The following PACRG variants were observed in gnomAD, a reference collection of about 807,000 sequenced individuals.
PACRG encodes parkin coregulated, also known as parkin coregulated gene protein.
PACRG carries 29 observed loss-of-function variants against 29.7 expected under a neutral mutation model. The observed-to-expected ratio is 0.98, with a 90% confidence interval of 0.73 to 1.33. PACRG has a LOEUF of 1.33. Among genes scored for constraint, PACRG ranks in the 40% most tolerant of loss-of-function variants. The probability of loss-of-function intolerance (pLI) is 0.00; values close to 1 mark genes in which losing one functional copy is unlikely to be tolerated. For missense variants in PACRG, 279 were observed against 316.2 expected, an observed-to-expected ratio of 0.88 and a Z score of 0.89; for synonymous variants, 116 against 118.7, an observed-to-expected ratio of 0.98 and a Z score of 0.15.
intron 4 of PACRG, among the ~76,000 whole-genome samples, chr6:163,103,727 G>A (rs1489773091): frequency 6.6e-6 from 1 of 152,226 alleles, no homozygotes; most frequent in Non-Finnish European, 1.5e-5. Flanking sequence ...ATGCCTGGAT[G>A]ACCATGACTG....
chr6:162,787,582 G>GTATATATATA (rs869254835), intron 1 of PACRG, among the ~76,000 whole-genome samples: 76 of 62,330 alleles, frequency 1.2e-3, no homozygotes, highest in East Asian at 6.9e-3. Context: ...GTGTGTGTGT[G>GTATATATATA]TATATATATA....
At chr6:162,936,759 A>G (rs1514332) in intron 2 of PACRG, among the ~76,000 whole-genome samples, 2,324 of 152,234 alleles carry the variant, frequency 0.015, 67 homozygotes, top group African/African-American at 0.054. Flanking sequence ...ATAAAAAGCA[A>G]ATAATTCATT....
In PACRG at chr6:162,728,010, T is replaced by G. The variant is rs1385577738; in HGVS notation, c.-226T>G. ...GGGAGGCTTACCTTTGGAAGCTTGT[T>G]GCAGCTCTAGCCAAGGTCCTGCCCT... On this transcript the variant is annotated 5_prime_UTR_variant, in exon 1 of 5. Transcript: ENST00000366888. 3.1e-6 allele frequency: 2 copies of G among 643,534 alleles called. No individual in the cohort carries two copies. Among genetic ancestry groups the G allele is most frequent in the East Asian group, 5.2e-5 (2 of 38,238 alleles). The allele number at this position is 643,534 out of a possible 1,614,324, so 39.9% of individuals were successfully genotyped here.
chr6:162,821,826 G>A (rs575667534), intron 2 of PACRG, among the ~76,000 whole-genome samples: 15 of 152,104 alleles, frequency 9.9e-5, no homozygotes, highest in East Asian at 7.7e-4. Flanking sequence ...CTCGTCACAC[G>A]TCTCTTCTCT....
intron 4 of PACRG, among the ~76,000 whole-genome samples, chr6:163,300,596 C>G (rs559856156): frequency 3.9e-5 from 6 of 152,332 alleles, no homozygotes; most frequent in Admixed American, 3.9e-4. Context: ...GAGATAGTCT[C>G]TCTGTCAATT....
intron 2 of PACRG, among the ~76,000 whole-genome samples, chr6:162,855,109 G>A (rs1791269423): frequency 6.6e-6 from 1 of 152,256 alleles, no homozygotes; most frequent in Non-Finnish European, 1.5e-5. Flanking sequence ...CAGCCCTGCT[G>A]TTAACTAGCT....
chr6:162,820,016 T>C (rs894726139), intron 2 of PACRG, among the ~76,000 whole-genome samples: 17 of 152,084 alleles, frequency 1.1e-4, no homozygotes, highest in African/African-American at 3.6e-4. Context: ...CTTGAGGGGG[T>C]TGAACTTTTA....
chr6:162,946,997 A>G (rs955357302), intron 2 of PACRG, among the ~76,000 whole-genome samples: 1 of 151,930 alleles, frequency 6.6e-6, no homozygotes, highest in Admixed American at 6.6e-5. Flanking sequence ...AAGGCCATAT[A>G]TGACAAACAC....
At chr6:162,876,651 C>T (rs1201461075) in intron 2 of PACRG, among the ~76,000 whole-genome samples, 1 of 152,176 alleles carries the variant, frequency 6.6e-6, no homozygotes, top group East Asian at 1.9e-4. Context: ...TTCTCCCATT[C>T]TGTAGGTTGC....
rs189587724 is a variant in PACRG, at chr6:163,208,506, T to C, written c.614-106321T>C. 2.0e-3 allele frequency among the ~76,000 whole-genome samples: 299 copies of C among 152,288 alleles called. 1 individual carries two copies. The highest frequency in any genetic ancestry group is 6.7e-3 in the African/African-American group (280 of 41,572). On this transcript the variant is annotated intron_variant, in intron 4 of 4. Coordinates refer to ENST00000366888, the MANE Select transcript of PACRG (RefSeq NM_001080379.2). ...AATTCTGTGATTAAAAGTCCAGAAA[T>C]AAAATAACAAATAAATGTGCATTTT...
At chr6:162,904,753 G>C (rs1471494478) in intron 2 of PACRG, among the ~76,000 whole-genome samples, 1 of 152,144 alleles carries the variant, frequency 6.6e-6, no homozygotes, top group Non-Finnish European at 1.5e-5. Context: ...CCCAGTGCCT[G>C]ACCTGTTTAG....
chr6:163,010,800 T>A (rs1323347788), intron 2 of PACRG, among the ~76,000 whole-genome samples: 2 of 152,274 alleles, frequency 1.3e-5, no homozygotes, highest in East Asian at 3.9e-4. Context: ...TATAAAGGTG[T>A]GTTCTCCTGG....
intron 4 of PACRG, chr6:163,182,569 C>T (rs1225920226): frequency 2.0e-5 from 3 of 152,194 alleles, no homozygotes; most frequent in Admixed American, 6.5e-5. Context: ...GTCTCTTTTA[C>T]ATTCAGCAGG....
At chr6:163,309,920 TATAG>T (rs1249947737) in intron 4 of PACRG, 1 of 152,230 alleles carries the variant, frequency 6.6e-6, no homozygotes, top group Non-Finnish European at 1.5e-5. Flanking sequence ...TACGAAAAAG[TATAG>T]ATAGAGTTCA....
chr6:163,221,622 A>G (rs1287330219), intron 4 of PACRG, among the ~76,000 whole-genome samples: 3 of 152,244 alleles, frequency 2.0e-5, no homozygotes, highest in Non-Finnish European at 2.9e-5. Flanking sequence ...AATAACCACA[A>G]CTTTAAATAA....
chr6:162,845,615 G>T (rs1389112085), intron 2 of PACRG, among the ~76,000 whole-genome samples: 2 of 152,086 alleles, frequency 1.3e-5, no homozygotes, highest in Non-Finnish European at 2.9e-5. Flanking sequence ...AATGTTGCTT[G>T]CTGTCACCTT....
rs1562349286 is a variant in PACRG at position 163,269,821 on chromosome 6, G to GC, written c.614-45006_614-45005insC. ...GGAAGGAAGGAAGGAAGGAAGGAAG[G>GC]AGAAAGAAAGAAAGAAAAAGAAAGA... is the stretch of plus-strand genomic sequence containing the variant. On this transcript the variant is annotated intron_variant, in intron 4 of 4. Coordinates refer to ENST00000366888, the MANE Select transcript of PACRG (RefSeq NM_001080379.2). 5.3e-4 allele frequency among the ~76,000 whole-genome samples: 24 copies of GC among 45,268 alleles called. 1 individual carries two copies. The highest frequency in any genetic ancestry group is 1.9e-3 in the African/African-American group (23 of 11,976). 29.7% of individuals were successfully genotyped at this position (45,268 alleles called of 152,430 possible).
chr6:163,036,189 T>C (rs1808170901), intron 2 of PACRG, among the ~76,000 whole-genome samples: 1 of 152,216 alleles, frequency 6.6e-6, no homozygotes, highest in Non-Finnish European at 1.5e-5. Flanking sequence ...CATGCAAACT[T>C]ATTTTGTGGA....
At chr6:162,744,676 G>A (rs1165702631) in intron 1 of PACRG, among the ~76,000 whole-genome samples, 3 of 152,058 alleles carry the variant, frequency 2.0e-5, no homozygotes, top group African/African-American at 7.3e-5. Flanking sequence ...AGGTACATAA[G>A]TTTTGGTATT....
Sources: allele counts gnomAD v4.1 joint callset (sites outside exome capture counted in the v4.1 genomes callset), GRCh38; gene constraint gnomAD v4.1.1; transcripts MANE v1.5; gene names NCBI Gene and HGNC (gene_info 2026-07-23, HGNC 2026-07-21).